RPS6KA2: variants seen among roughly 807,000 people sequenced by gnomAD.
The protein encoded by RPS6KA2 is ribosomal protein S6 kinase A2.
Under a neutral mutation model 91.8 loss-of-function variants are expected in RPS6KA2, and 42 were observed. That is an observed-to-expected ratio of 0.46 (90% CI 0.36 to 0.59). The LOEUF (loss-of-function observed/expected upper bound fraction) is 0.59, where lower values mean the gene tolerates loss of function less well. Among genes scored for constraint, RPS6KA2 ranks in the 20% least tolerant of loss-of-function variants. The pLI, the probability that RPS6KA2 is intolerant of heterozygous loss-of-function variation, is 0.00. For synonymous variants in RPS6KA2, 414 were observed against 393.6 expected (o/e 1.05, Z -0.61); for missense variants, 798 against 978.5 (o/e 0.82, Z 2.46).
At position 166,855,438 on chromosome 6, in the gene RPS6KA2, GGAA is replaced by G. The variant is rs774286768; in HGVS notation, c.123+2759_123+2761del. On this transcript the variant is annotated intron_variant, in intron 2 of 21. Coordinates refer to the RPS6KA2 transcript ENST00000503859. Reference sequence around the variant, plus strand: ...AGGAGGAAGAAGAAGAGGAAGAAGAGGAAGAAGAAGAGGAAGAAGAAGAGGAAG... The same window carrying G: ...AGGAGGAAGAAGAAGAGGAAGAAGAGGAAGAAGAGGAAGAAGAAGAGGAAG... Among the ~76,000 whole-genome samples the G allele has an allele frequency of 2.3e-4, 21 of 89,740 alleles. No individual in the cohort carries two copies. In the East Asian group the frequency reaches 4.1e-3, roughly 18 times the overall value. 58.9% of individuals were successfully genotyped at this position (89,740 alleles called of 152,430 possible). A position where few individuals can be genotyped will look rare whatever the true frequency, so the allele number is the denominator to read the frequency against.
intron 2 of RPS6KA2, among the ~76,000 whole-genome samples, chr6:166,534,474 C>T (rs566078557): frequency 6.6e-6 from 1 of 152,260 alleles, no homozygotes; most frequent in South Asian, 2.1e-4. Flanking sequence ...TCCGTACTTT[C>T]AATACCTCTG....
intron 2 of RPS6KA2, among the ~76,000 whole-genome samples, chr6:166,788,514 G>T (rs1463011984): frequency 1.3e-5 from 2 of 152,180 alleles, no homozygotes; most frequent in Non-Finnish European, 2.9e-5. Flanking sequence ...CTATAAAAAA[G>T]AATGAGATCA....
chr6:166,755,472 A>G (rs1337946373), intron 2 of RPS6KA2, among the ~76,000 whole-genome samples: 1 of 151,574 alleles, frequency 6.6e-6, no homozygotes, highest in Non-Finnish European at 1.5e-5. Context: ...ACTGGGGTTT[A>G]TTTATTTATT....
rs1778281576 is a variant in RPS6KA2, at chr6:166,411,040, G to GT, written c.*1721dup. 6.6e-6 allele frequency: 1 copy of GT among 152,054 alleles called. No homozygotes were observed. Among genetic ancestry groups the GT allele is most frequent in the African/African-American group, 2.4e-5 (1 of 41,388 alleles). 9.4% of individuals were successfully genotyped at this position (152,054 alleles called of 1,614,324 possible). A position where few individuals can be genotyped will look rare whatever the true frequency, so the allele number is the denominator to read the frequency against. On this transcript the variant is annotated 3_prime_UTR_variant, in exon 21 of 21. Transcript: ENST00000265678. This position sits in a 1 kb window ranked among gnomAD's most constrained non-coding sequence, Gnocchi z 4.5. ...ATGGAGAAAATGTGAGGAATACCCT[G>GT]TGGGCACTATGGAAACAGGTATTCA... is the stretch of plus-strand genomic sequence containing the variant.
Position 166,557,470 on chromosome 6 carries a change from G to A in RPS6KA2, c.100-18686C>T, listed in dbSNP as rs747842787. 6.6e-6 allele frequency among the ~76,000 whole-genome samples: 1 copy of A among 152,230 alleles called. No individual in the cohort carries two copies. The highest frequency in any genetic ancestry group is 1.5e-5 in the Non-Finnish European group (1 of 68,042). The stretch of plus-strand genomic sequence containing the variant: ...CTGAAGTTCTGTTTACAGGGATTGA[G>A]AGAAATGAATGGATTGAATTATGCT... On this transcript the variant is annotated intron_variant, in intron 1 of 20. Coordinates refer to ENST00000265678, the MANE Select transcript of RPS6KA2 (RefSeq NM_021135.6). This position sits in a 1 kb window ranked among gnomAD's most constrained non-coding sequence, Gnocchi z 4.8.
At chr6:166,761,955 C>T (rs1778184638) in intron 2 of RPS6KA2, among the ~76,000 whole-genome samples, 1 of 152,194 alleles carries the variant, frequency 6.6e-6, no homozygotes, top group African/African-American at 2.4e-5. Flanking sequence ...GGGGCAGCCT[C>T]GTCTCCCAGC....
intron 3 of RPS6KA2, among the ~76,000 whole-genome samples, chr6:166,522,481 T>C (rs1782892271): frequency 1.3e-5 from 2 of 152,332 alleles, no homozygotes; most frequent in East Asian, 1.9e-4. Flanking sequence ...AGAGGCTCGA[T>C]GATGCTTTGT....
intron 11 of RPS6KA2, among the ~76,000 whole-genome samples, chr6:166,460,407 G>A (rs186853445): frequency 2.0e-5 from 3 of 152,324 alleles, no homozygotes; most frequent in Admixed American, 1.3e-4. Context: ...GGAACCTGGC[G>A]TAGTCCTCAG....
At chr6:166,847,803 A>C (rs1217251810) in intron 2 of RPS6KA2, among the ~76,000 whole-genome samples, 1 of 152,250 alleles carries the variant, frequency 6.6e-6, no homozygotes, top group East Asian at 1.9e-4. Flanking sequence ...GAAACAACAA[A>C]AATTCTAGAA....
intron 1 of RPS6KA2, among the ~76,000 whole-genome samples, chr6:166,548,442 T>C (rs1298167265): frequency 6.6e-6 from 1 of 152,182 alleles, no homozygotes; most frequent in East Asian, 1.9e-4. Context: ...GATGGTAAGG[T>C]TTGCTACATA....
At chr6:166,464,078 A>T (rs1780430546) in intron 11 of RPS6KA2, among the ~76,000 whole-genome samples, 1 of 152,206 alleles carries the variant, frequency 6.6e-6, no homozygotes, top group East Asian at 1.9e-4. Context: ...AGCTGCATGG[A>T]GACGCCTGTG....
chr6:166,724,202 C>T (rs1287400656), intron 2 of RPS6KA2, among the ~76,000 whole-genome samples: 1 of 151,994 alleles, frequency 6.6e-6, no homozygotes, highest in Non-Finnish European at 1.5e-5. Flanking sequence ...AATATATTTG[C>T]CTCTGATTTG....
At chr6:166,653,702 C>T (rs975097827) in intron 2 of RPS6KA2, among the ~76,000 whole-genome samples, 1 of 152,198 alleles carries the variant, frequency 6.6e-6, no homozygotes, top group Non-Finnish European at 1.5e-5. Context: ...GAAAGGAATG[C>T]TACTTGAAAT....
chr6:166,496,366 T>A (rs6456089), intron 8 of RPS6KA2, among the ~76,000 whole-genome samples: 20,672 of 89,964 alleles, frequency 0.23, 4,107 homozygotes, highest in African/African-American at 0.52. Context: ...AATAAAAAAT[T>A]AAAAAATAAA....
chr6:166,743,687 G>A (rs977505241), intron 2 of RPS6KA2, among the ~76,000 whole-genome samples: 1 of 152,192 alleles, frequency 6.6e-6, no homozygotes, highest in Non-Finnish European at 1.5e-5. Flanking sequence ...TGCCCCTGGC[G>A]GCGCCATGCA....
chr6:166,488,005 T>C (rs74717165), intron 10 of RPS6KA2, among the ~76,000 whole-genome samples: 1 of 152,328 alleles, frequency 6.6e-6, no homozygotes, highest in Non-Finnish European at 1.5e-5. Flanking sequence ...GAGGAAAATC[T>C]AGTATTTTTT....
At position 166,419,787 on chromosome 6, in the gene RPS6KA2, A is replaced by G; in HGVS notation, c.1820+95T>C. ...ACGTTGGGTTTGCCCACATGCGCAC[A>G]CTAGGACAGGGCTGGCCCTGGTCCC... is the stretch of plus-strand genomic sequence containing the variant. On this transcript the variant is annotated intron_variant, in intron 18 of 20. Transcript: ENST00000265678. This position sits in a 1 kb window ranked among gnomAD's most constrained non-coding sequence, Gnocchi z 5.6. 3.5e-6 allele frequency: 4 copies of G among 1,150,442 alleles called. No homozygotes were observed. The highest frequency in any genetic ancestry group is 5.2e-6 in the Non-Finnish European group (4 of 766,124). The allele number at this position is 1,150,442 out of a possible 1,614,324, so 71.3% of individuals were successfully genotyped here. A position where few individuals can be genotyped will look rare whatever the true frequency, so the allele number is the denominator to read the frequency against.
chr6:166,555,136 T>C (rs1006736865), intron 1 of RPS6KA2, among the ~76,000 whole-genome samples: 1 of 152,174 alleles, frequency 6.6e-6, no homozygotes, highest in South Asian at 2.1e-4. Context: ...GGTTTTACAA[T>C]GGGAAAGGGA....
At chr6:166,551,469 G>A (rs979544965) in intron 1 of RPS6KA2, among the ~76,000 whole-genome samples, 19 of 152,130 alleles carry the variant, frequency 1.2e-4, no homozygotes, top group African/African-American at 3.9e-4. Flanking sequence ...CGATTCTTAC[G>A]AATGGAAGCC....
Sources: allele counts gnomAD v4.1 joint callset (sites outside exome capture counted in the v4.1 genomes callset), GRCh38; gene constraint gnomAD v4.1.1; non-coding constraint Gnocchi (gnomAD v3.1); transcripts MANE v1.5; gene names NCBI Gene and HGNC (gene_info 2026-07-23, HGNC 2026-07-21).